The following PTPRM variants were observed in gnomAD, a reference collection of about 807,000 sequenced individuals.
The protein encoded by PTPRM is receptor-type tyrosine-protein phosphatase mu.
A neutral mutation model predicts 186.7 loss-of-function variants in PTPRM; 47 were observed. The observed-to-expected ratio is 0.25, with a 90% confidence interval of 0.20 to 0.32. The LOEUF is 0.32. Among genes scored for constraint, PTPRM ranks in the 10% least tolerant of loss-of-function variants. The pLI is 1.00. For missense variants in PTPRM, 1,494 were observed against 1,865.0 expected, an observed-to-expected ratio of 0.80 and a Z score of 3.66; for synonymous variants, 668 against 674.9, an observed-to-expected ratio of 0.99 and a Z score of 0.16.
At chr18:7,949,090 C>G (rs998193797) in intron 5 of PTPRM, 91 bp from the exon 6 acceptor site, 38 of 1,266,952 alleles carry the variant, frequency 3.0e-5, no homozygotes, top group Admixed American at 6.5e-5. Context: ...TGCATGAAAA[C>G]AGCATGGATA....
chr18:8,195,038 A>G (rs959706208), intron 14 of PTPRM, among the ~76,000 whole-genome samples: 10 of 152,244 alleles, frequency 6.6e-5, no homozygotes, highest in Non-Finnish European at 1.3e-4. Context: ...CACCCTGAGG[A>G]CAACATTCTG....
Position 7,567,615 on chromosome 18 carries a change from A to G in PTPRM, c.-204A>G, listed in dbSNP as rs926734621. On this transcript the variant is annotated 5_prime_UTR_variant, in exon 1 of 33. Transcript: ENST00000580170. This position sits in a 1 kb window ranked among gnomAD's most constrained non-coding sequence, Gnocchi z 4.3. Reference sequence around the variant, plus strand: ...CGCCGAGTGGGGCCAGGGACAGGGGAGGAGGACCCAGGACCCTGTGCCCGC... The same window carrying G: ...CGCCGAGTGGGGCCAGGGACAGGGGGGGAGGACCCAGGACCCTGTGCCCGC... 1 of 448,302 alleles carries G rather than the reference A, an allele frequency of 2.2e-6. No individual in the cohort carries two copies. The highest frequency in any genetic ancestry group is 4.4e-5 in the Admixed American group (1 of 22,562). 27.8% of individuals were successfully genotyped at this position (448,302 alleles called of 1,614,324 possible). A position where few individuals can be genotyped will look rare whatever the true frequency, so the allele number is the denominator to read the frequency against.
chr18:8,156,521 G>C (rs1039264705), intron 14 of PTPRM, among the ~76,000 whole-genome samples: 2 of 152,134 alleles, frequency 1.3e-5, no homozygotes, highest in African/African-American at 4.8e-5. Context: ...TACATAGTTG[G>C]TCTTTGATAG....
At chr18:7,991,034 A>C (rs1281230285) in intron 7 of PTPRM, among the ~76,000 whole-genome samples, 1 of 152,204 alleles carries the variant, frequency 6.6e-6, no homozygotes, top group Admixed American at 6.5e-5. Flanking sequence ...GAATCAGTGA[A>C]TTTGTATTCT....
chr18:8,312,725 C>T (rs972879190), intron 20 of PTPRM, among the ~76,000 whole-genome samples: 1 of 152,142 alleles, frequency 6.6e-6, no homozygotes, highest in African/African-American at 2.4e-5. Flanking sequence ...CCCACACACT[C>T]GACCCCAGAA....
chr18:8,340,218 C>T (rs1025462147), intron 22 of PTPRM, among the ~76,000 whole-genome samples: 4 of 152,166 alleles, frequency 2.6e-5, no homozygotes, highest in African/African-American at 9.6e-5. Context: ...GCCAGCTGCA[C>T]TGCAGGGAGA....
chr18:7,653,350 C>T (rs1367365569), intron 1 of PTPRM, among the ~76,000 whole-genome samples: 2 of 152,028 alleles, frequency 1.3e-5, no homozygotes, highest in South Asian at 2.1e-4. Flanking sequence ...TTCTAGGGTA[C>T]GTGTATAGCT....
chr18:8,202,185 A>T (rs1237766550), intron 14 of PTPRM, among the ~76,000 whole-genome samples: 1 of 152,194 alleles, frequency 6.6e-6, no homozygotes, highest in Non-Finnish European at 1.5e-5. Context: ...CTCAGACTGG[A>T]TTATTATAAG....
chr18:7,769,055 A>G (rs2042151506), intron 1 of PTPRM, among the ~76,000 whole-genome samples: 1 of 152,098 alleles, frequency 6.6e-6, no homozygotes, highest in Non-Finnish European at 1.5e-5. Context: ...ATAAGATGTT[A>G]TTGAATGGGC....
At chr18:8,156,606 A>T (rs780739326) in intron 14 of PTPRM, among the ~76,000 whole-genome samples, 5 of 152,172 alleles carry the variant, frequency 3.3e-5, no homozygotes, top group Non-Finnish European at 5.9e-5. Context: ...GGCCTAGTCT[A>T]AGTCAGTGCA....
At chr18:7,842,145 A>G (rs1490944849) in intron 2 of PTPRM, among the ~76,000 whole-genome samples, 1 of 152,136 alleles carries the variant, frequency 6.6e-6, no homozygotes, top group Non-Finnish European at 1.5e-5. Flanking sequence ...CTTTCACATA[A>G]AGATAGGAAA....
intron 7 of PTPRM, among the ~76,000 whole-genome samples, chr18:7,959,729 G>A (rs904076686): frequency 6.6e-6 from 1 of 152,220 alleles, no homozygotes; most frequent in East Asian, 1.9e-4. Flanking sequence ...TGCCCTGACT[G>A]TATCAGTGGT....
intron 1 of PTPRM, among the ~76,000 whole-genome samples, chr18:7,608,038 C>T (rs893639023): frequency 6.6e-6 from 1 of 152,172 alleles, no homozygotes. Context: ...ATGAGTGAAA[C>T]CCTAAAGCCT....
chr18:8,108,335 AAAC>A (rs2091611020), intron 11 of PTPRM, among the ~76,000 whole-genome samples: 1 of 152,062 alleles, frequency 6.6e-6, no homozygotes, highest in African/African-American at 2.4e-5. Flanking sequence ...GGATTAGCAA[AAAC>A]AACAATGAAA....
At chr18:7,957,561 T>A (rs1354128726) in intron 7 of PTPRM, among the ~76,000 whole-genome samples, 1 of 151,976 alleles carries the variant, frequency 6.6e-6, no homozygotes. Context: ...TGGCATGGAG[T>A]CACCCTTAGA....
chr18:7,663,897 T>A (rs555971599), intron 1 of PTPRM, among the ~76,000 whole-genome samples: 1 of 152,174 alleles, frequency 6.6e-6, no homozygotes, highest in Non-Finnish European at 1.5e-5. Context: ...TCTGCCCCCC[T>A]CCAGCCCCAG....
intron 13 of PTPRM, among the ~76,000 whole-genome samples, chr18:8,119,909 G>C (rs2092107588): frequency 6.6e-6 from 1 of 152,050 alleles, no homozygotes; most frequent in Non-Finnish European, 1.5e-5. Context: ...ACAATATCTG[G>C]AGCTGATAAA....
chr18:7,674,836 A>C (rs2039298472), intron 1 of PTPRM, among the ~76,000 whole-genome samples: 1 of 152,224 alleles, frequency 6.6e-6, no homozygotes, highest in South Asian at 2.1e-4. Flanking sequence ...GTAGGCTCTT[A>C]ATCGTATTTC....
At chr18:8,133,399 G>A (rs958617753) in intron 13 of PTPRM, among the ~76,000 whole-genome samples, 1 of 152,146 alleles carries the variant, frequency 6.6e-6, no homozygotes, top group Admixed American at 6.6e-5. Context: ...AGATGAGTAA[G>A]ACTACTTTTG....
Sources: gnomAD v4.1 joint callset for allele counts (sites outside exome capture counted in the v4.1 genomes callset) on GRCh38, gnomAD v4.1.1 for gene constraint, Gnocchi (gnomAD v3.1) non-coding constraint, MANE v1.5 for transcripts, NCBI Gene and HGNC (gene_info 2026-07-23, HGNC 2026-07-21) for gene names.